Variants in HDGFL2 observed in about 807,000 individuals in gnomAD.
HDGFL2 encodes the protein hepatoma-derived growth factor-related protein 2.
A neutral mutation model predicts 77.1 loss-of-function variants in HDGFL2; 36 were observed. That is an observed-to-expected ratio of 0.47 (90% CI 0.36 to 0.62). The LOEUF (loss-of-function observed/expected upper bound fraction) is 0.62. Among genes scored for constraint, HDGFL2 ranks in the 20% least tolerant of loss-of-function variants. The pLI is 0.00. For synonymous variants in HDGFL2, 463 were observed against 413.1 expected (o/e 1.12, Z -1.46); for missense variants, 976 against 973.4 (o/e 1.00, Z -0.04).
At chr19:4,472,452 G>GT (rs1478210488) in intron 1 of HDGFL2, 30 bp downstream of exon 1, 4 of 264,136 alleles carry the variant, frequency 1.5e-5, no homozygotes, top group Admixed American at 1.0e-4. Context: ...GGGGCCGGTG[G>GT]GGGGGGGGGG....
rs1205198931 is a variant in HDGFL2 at position 4,472,299 on chromosome 19, C to G, written c.-52C>G. On this transcript the variant is annotated 5_prime_UTR_variant, in exon 1 of 16. Transcript: ENST00000616600. The stretch of plus-strand genomic sequence containing the variant: ...GCTGCCGCCGCCGCCGCCGCCGCAG[C>G]CGCTACCGCCGCTGCAGCCGCTTTC... 2 of 1,366,706 alleles carry G rather than the reference C, an allele frequency of 1.5e-6. No homozygotes were observed. The highest frequency in any genetic ancestry group is 1.5e-5 in the African/African-American group (1 of 65,578). 84.7% of individuals were successfully genotyped at this position (1,366,706 alleles called of 1,614,324 possible).
chr19:4,480,027 C>T (rs1170710625), intron 3 of HDGFL2, among the ~76,000 whole-genome samples: 3 of 151,376 alleles, frequency 2.0e-5, no homozygotes, highest in Admixed American at 2.0e-4. Flanking sequence ...ATAGCAGTGA[C>T]AGTTGGGGCC....
intron 4 of HDGFL2, among the ~76,000 whole-genome samples, chr19:4,489,654 G>A (rs775851030): frequency 3.3e-5 from 5 of 151,956 alleles, no homozygotes; most frequent in South Asian, 2.1e-4. Context: ...CGCCCGCTTC[G>A]GCCTCCCAAA....
At position 4,494,350 on chromosome 19, in the gene HDGFL2, G is replaced by GGCGGCAGCA; in HGVS notation, c.1104_1112dup (p.Ser369_Gly371dup). ...CCGCGGGGAGGCTGAGCGGGGCAGC[G>GGCGGCAGCA]GCGGCAGCAGCGGGGACGAGCTCAG... On this transcript the variant is annotated inframe_insertion, in exon 9 of 16. Coordinates refer to ENST00000616600, the MANE Select transcript of HDGFL2 (RefSeq NM_001001520.3). 7.1e-7 allele frequency: 1 copy of GGCGGCAGCA among 1,408,448 alleles called. No individual in the cohort carries two copies. The highest frequency in any genetic ancestry group is 9.2e-7 in the Non-Finnish European group (1 of 1,085,776). 87.2% of individuals were successfully genotyped at this position (1,408,448 alleles called of 1,614,324 possible). A position where few individuals can be genotyped will look rare whatever the true frequency, so the allele number is the denominator to read the frequency against.
chr19:4,479,624 C>A (rs908546271), intron 3 of HDGFL2, among the ~76,000 whole-genome samples: 8 of 143,734 alleles, frequency 5.6e-5, no homozygotes, highest in Non-Finnish European at 1.2e-4. Flanking sequence ...TCTACCCAAA[C>A]TACAAAAATT....
At position 4,499,559 on chromosome 19, in the gene HDGFL2, G is replaced by A. The variant is rs774744433; in HGVS notation, c.1644G>A (p.Ser548=). Residue 548 remains serine, a synonymous_variant, in exon 14 of 16, where the codon TCG becomes TCA. Coordinates refer to ENST00000616600, the MANE Select transcript of HDGFL2 (RefSeq NM_001001520.3). The part of the protein sequence containing the change: ...KAAEVYTRLK[S]RVLGPKIEAV... ...CAGAAGTCTATACCCGGCTCAAGTC[G>A]CGGGTCCTCGGCCCAAAGATCGAGG... The A allele has an allele frequency of 1.7e-5, 28 of 1,613,664 alleles. No individual in the cohort carries two copies. The highest frequency in any genetic ancestry group is 1.6e-4 in the Middle Eastern group (1 of 6,084).
intron 3 of HDGFL2, among the ~76,000 whole-genome samples, chr19:4,484,283 C>T (rs942835525): frequency 6.6e-6 from 1 of 150,378 alleles, no homozygotes; most frequent in African/African-American, 2.4e-5. Flanking sequence ...AGCATTTGGC[C>T]ATCTTGGCCA....
chr19:4,488,864 G>A lies in HDGFL2; in HGVS notation c.477G>A (p.Thr159=), dbSNP rs542662910. Residue 159 remains threonine (T), a synonymous_variant, in exon 4 of 16, where the codon ACG becomes ACA. Transcript: ENST00000616600. ...SSDNSGLKRK[T]PALKMSVSKR... ...ACAACAGTGGCCTGAAGAGGAAGAC[G>A]CCTGCGCTAAAGGTAGGGGAGGACC... 33 of 1,551,314 alleles carry A rather than the reference G, an allele frequency of 2.1e-5. No homozygotes were observed. In the East Asian group the frequency reaches 5.1e-4, roughly 24 times the overall value.
intron 10 of HDGFL2, chr19:4,496,874 T>C (rs1975716356): frequency 2.5e-6 from 1 of 401,444 alleles, no homozygotes. Flanking sequence ...GCTCACTTTT[T>C]TTTTTTTTTT....
chr19:4,472,807 G>A (rs945044826), intron 1 of HDGFL2, among the ~76,000 whole-genome samples: 5 of 147,544 alleles, frequency 3.4e-5, no homozygotes, highest in African/African-American at 5.0e-5. Flanking sequence ...GCCTGCAGGA[G>A]CCCCTCCCGG....
At chr19:4,481,659 G>T (rs1301138729) in intron 3 of HDGFL2, among the ~76,000 whole-genome samples, 1 of 151,150 alleles carries the variant, frequency 6.6e-6, no homozygotes, top group Non-Finnish European at 1.5e-5. Context: ...ATTTCACTAT[G>T]TTGGCCAGGC....
chr19:4,496,664 C>G (rs1414299959), intron 10 of HDGFL2, among the ~76,000 whole-genome samples: 2 of 152,124 alleles, frequency 1.3e-5, no homozygotes, highest in Admixed American at 1.3e-4. Flanking sequence ...CTGTGGTTGT[C>G]ATGACTGGGG....
chr19:4,501,976 G>A lies in HDGFL2; in HGVS notation c.1982G>A (p.Arg661Gln), dbSNP rs757246847. ...GSDRQERERA[R>Q]GDSEALDEES ...GACCGGCAGGAGCGCGAGAGGGCAC[G>A]GGGGGACTCGGAGGCCCTGGACGAG... Residue 661 changes from arginine (R) to glutamine (Q), a missense_variant, in exon 16 of 16, where the codon CGG becomes CAG. Arg to Gln is a conservative substitution (Grantham distance 43). Transcript: ENST00000616600. 26 of 1,511,728 alleles carry A rather than the reference G, an allele frequency of 1.7e-5. No homozygotes were observed. In the South Asian group the frequency reaches 1.9e-4, roughly 11 times the overall value. 93.6% of individuals were successfully genotyped at this position (1,511,728 alleles called of 1,614,324 possible). A position where few individuals can be genotyped will look rare whatever the true frequency, so the allele number is the denominator to read the frequency against.
chr19:4,472,719 G>T (rs1974974473), intron 1 of HDGFL2, among the ~76,000 whole-genome samples: 1 of 149,516 alleles, frequency 6.7e-6, no homozygotes, highest in Admixed American at 6.6e-5. Flanking sequence ...CGCCCTCGGG[G>T]CCTGGGGGTC....
chr19:4,492,943 G>C (rs1487486919), intron 6 of HDGFL2, among the ~76,000 whole-genome samples: 1 of 133,070 alleles, frequency 7.5e-6, no homozygotes, highest in Non-Finnish European at 1.6e-5. Flanking sequence ...TGTGGTGTGT[G>C]TGTGTGGTGC....
intron 3 of HDGFL2, among the ~76,000 whole-genome samples, chr19:4,480,291 G>T (rs1380194298): frequency 6.6e-6 from 1 of 152,186 alleles, no homozygotes; most frequent in Non-Finnish European, 1.5e-5. Flanking sequence ...AGGGCCCCCA[G>T]CTTGCAGGTC....
intron 6 of HDGFL2, 51 bp downstream of exon 6, chr19:4,491,886 C>T (rs749836767): frequency 7.3e-6 from 11 of 1,509,972 alleles, no homozygotes; most frequent in South Asian, 4.5e-5. Flanking sequence ...GGCACCTCTG[C>T]GGTCTCCAGT....
chr19:4,495,337 A>G (rs1001097320), intron 9 of HDGFL2, among the ~76,000 whole-genome samples: 11 of 133,344 alleles, frequency 8.2e-5, no homozygotes, highest in African/African-American at 1.6e-4. Context: ...GCAGCGAGCC[A>G]AGATTGTGCC....
At chr19:4,483,377 T>A (rs369512516) in intron 3 of HDGFL2, among the ~76,000 whole-genome samples, 1 of 152,182 alleles carries the variant, frequency 6.6e-6, no homozygotes, top group Admixed American at 6.5e-5. Flanking sequence ...AGGCTAAGCC[T>A]GGAGGGAGCC....
Sources: gnomAD v4.1 joint callset for allele counts (sites outside exome capture counted in the v4.1 genomes callset) on GRCh38, gnomAD v4.1.1 for gene constraint, MANE v1.5 for transcripts, NCBI Gene and HGNC (gene_info 2026-07-23, HGNC 2026-07-21) for gene names.